The following TMEM272 variants were observed in gnomAD, a reference collection of about 807,000 sequenced individuals.
TMEM272 encodes the protein long intergenic non-protein coding RNA 282.
Under a neutral mutation model 3.7 loss-of-function variants are expected in TMEM272, and 8 were observed. That is an observed-to-expected ratio of 2.17 (90% CI 1.27 to 3.91). The LOEUF (loss-of-function observed/expected upper bound fraction) is 3.91, where lower values mean the gene tolerates loss of function less well. TMEM272 is among the 30% of genes most tolerant of loss of function. The pLI is 0.00. For synonymous variants in TMEM272, 63 were observed against 39.8 expected (o/e 1.58, Z -2.20); for missense variants, 166 against 91.5 (o/e 1.81, Z -3.32).
chr13:51,874,436 T>C, the TMEM272 span, among the ~76,000 whole-genome samples: 1 of 152,154 alleles, frequency 6.6e-6, no homozygotes. Flanking sequence ...GGGCATGCAA[T>C]AGATACTCAG....
chr13:51,866,371 G>A, the TMEM272 span: 19 of 313,192 alleles, frequency 6.1e-5, no homozygotes, highest in South Asian at 4.4e-4. Flanking sequence ...AAGTGGAGAC[G>A]CTTTGGCTCT....
chr13:51,863,011 G>A, the TMEM272 span, among the ~76,000 whole-genome samples: 11 of 152,202 alleles, frequency 7.2e-5, no homozygotes, highest in African/African-American at 9.7e-5. Flanking sequence ...AGACAGTATC[G>A]CAGAGGTGGC....
chr13:51,908,874 T>C, the TMEM272 span: 1 of 1,425,840 alleles, frequency 7.0e-7, no homozygotes, highest in Non-Finnish European at 9.9e-7. Context: ...AGGAGCCTTG[T>C]GAGGATCAGT....
the TMEM272 span, among the ~76,000 whole-genome samples, chr13:51,894,137 A>T: frequency 1.3e-4 from 20 of 152,236 alleles, no homozygotes; most frequent in Admixed American, 1.3e-4. Context: ...TTAGAGGTTA[A>T]AAAGTGTCAG....
chr13:51,819,101 G>A (rs546414805), intron 4 of TMEM272, among the ~76,000 whole-genome samples: 48 of 152,296 alleles, frequency 3.2e-4, no homozygotes, highest in African/African-American at 1.2e-3. Flanking sequence ...AGTTCAGAGA[G>A]CCACCCACAG....
At chr13:51,896,315 G>T in the TMEM272 span, among the ~76,000 whole-genome samples, 2 of 151,018 alleles carry the variant, frequency 1.3e-5, no homozygotes, top group South Asian at 4.2e-4. Context: ...AGCTCTAGAG[G>T]GGTGTGTGTG....
chr13:51,891,345 A>G, the TMEM272 span, among the ~76,000 whole-genome samples: 1 of 152,314 alleles, frequency 6.6e-6, no homozygotes, highest in South Asian at 2.1e-4. Context: ...TTATCCCATG[A>G]ATAGAGATTA....
chr13:51,863,444 G>A, the TMEM272 span, among the ~76,000 whole-genome samples: 1 of 152,168 alleles, frequency 6.6e-6, no homozygotes, highest in African/African-American at 2.4e-5. Context: ...CAGGCATCCT[G>A]GCCTGACCTG....
intron 1 of TMEM272, among the ~76,000 whole-genome samples, chr13:51,842,228 G>C (rs572275915): frequency 2.0e-5 from 3 of 152,334 alleles, no homozygotes; most frequent in Admixed American, 2.0e-4. Flanking sequence ...GCAGGCAGGC[G>C]TGGGTAGTAT....
At chr13:51,865,434 G>A in the TMEM272 span, 2 of 1,613,098 alleles carry the variant, frequency 1.2e-6, no homozygotes, top group Non-Finnish European at 1.7e-6. Flanking sequence ...AAGGTGAGCA[G>A]ATGGATGGGG....
chr13:51,895,116 G>C, the TMEM272 span, among the ~76,000 whole-genome samples: 1 of 152,172 alleles, frequency 6.6e-6, no homozygotes, highest in Non-Finnish European at 1.5e-5. Context: ...AGCTTCGCTT[G>C]CTCACCTGCC....
the TMEM272 span, among the ~76,000 whole-genome samples, chr13:51,918,874 T>C: frequency 6.7e-6 from 1 of 149,784 alleles, no homozygotes; most frequent in Non-Finnish European, 1.5e-5. Flanking sequence ...TCTCGAACTC[T>C]TGAGTTCAAG....
intron 4 of TMEM272, among the ~76,000 whole-genome samples, 155 bp downstream of exon 4, chr13:51,821,898 CTG>C (rs978754301): frequency 6.6e-6 from 1 of 152,168 alleles, no homozygotes; most frequent in Non-Finnish European, 1.5e-5. Context: ...CTGGAAAAAT[CTG>C]TGTCTCTGGA....
chr13:51,844,234 A>G (rs992330477), intron 1 of TMEM272, among the ~76,000 whole-genome samples: 2 of 152,096 alleles, frequency 1.3e-5, no homozygotes, highest in African/African-American at 4.8e-5. Flanking sequence ...GTGTATGTGT[A>G]GACACACACA....
the TMEM272 span, among the ~76,000 whole-genome samples, chr13:51,898,302 T>C: frequency 1.3e-5 from 2 of 151,886 alleles, no homozygotes; most frequent in African/African-American, 4.8e-5. Flanking sequence ...CATGCAGAAA[T>C]ACAAGAAACT....
upstream of TMEM272, among the ~76,000 whole-genome samples, chr13:51,849,029 G>T (rs1297091790): frequency 6.6e-6 from 1 of 152,046 alleles, no homozygotes; most frequent in Non-Finnish European, 1.5e-5. Context: ...CCCTCACTTC[G>T]ACTTCTACCT....
intron 1 of TMEM272, among the ~76,000 whole-genome samples, chr13:51,840,877 A>G (rs1432485375): frequency 6.6e-6 from 1 of 152,186 alleles, no homozygotes; most frequent in African/African-American, 2.4e-5. Flanking sequence ...CTCCTTCCAC[A>G]TCCTTTGACT....
intron 2 of TMEM272, among the ~76,000 whole-genome samples, chr13:51,835,903 C>G (rs965496057): frequency 6.6e-6 from 1 of 152,204 alleles, no homozygotes; most frequent in South Asian, 2.1e-4. Flanking sequence ...TACCTTAGTA[C>G]AGTCGCAGCT....
At chr13:51,827,897 A>G (rs542752798) in intron 2 of TMEM272, among the ~76,000 whole-genome samples, 3 of 152,282 alleles carry the variant, frequency 2.0e-5, no homozygotes, top group African/African-American at 7.2e-5. Flanking sequence ...TGGGAGATTT[A>G]CTGAGAGTCA....
Sources: allele counts gnomAD v4.1 joint callset (sites outside exome capture counted in the v4.1 genomes callset), GRCh38; gene constraint gnomAD v4.1.1; transcripts MANE v1.5; gene names NCBI Gene and HGNC (gene_info 2026-07-23, HGNC 2026-07-21).